The following PPP1R14C variants were observed in gnomAD, a reference collection of about 807,000 sequenced individuals.
PPP1R14C encodes protein phosphatase 1 regulatory subunit 14C.
PPP1R14C carries 16 observed loss-of-function variants against 20.4 expected under a neutral mutation model. The ratio of observed to expected loss-of-function variants is 0.78; its 90% CI spans 0.53 to 1.19. The LOEUF (loss-of-function observed/expected upper bound fraction) is 1.19, where lower values mean the gene tolerates loss of function less well. PPP1R14C is among the 50% of genes most tolerant of loss of function. The pLI, the probability that PPP1R14C is intolerant of heterozygous loss-of-function variation, is 0.00. For synonymous variants in PPP1R14C, 91 were observed against 91.0 expected (o/e 1.00, Z 0.00); for missense variants, 211 against 220.1 (o/e 0.96, Z 0.26).
At chr6:150,225,689 G>A (rs1778222762) in intron 3 of PPP1R14C, among the ~76,000 whole-genome samples, 2 of 152,176 alleles carry the variant, frequency 1.3e-5, no homozygotes, top group South Asian at 4.1e-4. Context: ...CTAATAGATT[G>A]ACACCATTGT....
At chr6:150,151,095 C>T (rs529424978) in intron 1 of PPP1R14C, among the ~76,000 whole-genome samples, 1 of 152,034 alleles carries the variant, frequency 6.6e-6, no homozygotes, top group African/African-American at 2.4e-5. Context: ...TGATAAGACC[C>T]TTCCTGTGGC....
chr6:150,154,881 C>G (rs545810362), intron 1 of PPP1R14C, among the ~76,000 whole-genome samples: 2 of 152,328 alleles, frequency 1.3e-5, no homozygotes, highest in South Asian at 4.1e-4. Context: ...CAGACACTCA[C>G]AGCCACCATA....
chr6:150,161,621 G>A (rs1045805544), intron 1 of PPP1R14C, among the ~76,000 whole-genome samples: 4 of 151,992 alleles, frequency 2.6e-5, no homozygotes, highest in South Asian at 2.1e-4. Flanking sequence ...TTGTTCAGTT[G>A]TAGTATATAT....
chr6:150,218,932 A>C (rs1778133129), intron 3 of PPP1R14C, among the ~76,000 whole-genome samples: 1 of 151,832 alleles, frequency 6.6e-6, no homozygotes, highest in Admixed American at 6.6e-5. Context: ...AATTACAGGC[A>C]TGAGCCACTA....
intron 3 of PPP1R14C, among the ~76,000 whole-genome samples, chr6:150,247,604 G>GTAAGTTTTATTT (rs1778507831): frequency 6.6e-6 from 1 of 152,196 alleles, no homozygotes; most frequent in Non-Finnish European, 1.5e-5. Flanking sequence ...TAAGTATCCT[G>GTAAGTTTTATTT]TAAGTTTTAA....
chr6:150,220,381 A>T (rs566207541), intron 3 of PPP1R14C, among the ~76,000 whole-genome samples: 131 of 152,308 alleles, frequency 8.6e-4, no homozygotes, highest in South Asian at 1.5e-3. Flanking sequence ...AGAAGGCAGG[A>T]GACTTTACCA....
chr6:150,232,724 T>TA (rs1778308790), intron 3 of PPP1R14C, among the ~76,000 whole-genome samples: 1 of 152,268 alleles, frequency 6.6e-6, no homozygotes, highest in Non-Finnish European at 1.5e-5. Context: ...AGTTTCCTTA[T>TA]AAGTAGGGAC....
At chr6:150,214,941 C>T (rs1778072151) in intron 2 of PPP1R14C, 114 bp downstream of exon 2, 12 of 717,100 alleles carry the variant, frequency 1.7e-5, no homozygotes, top group Non-Finnish European at 2.6e-5. Flanking sequence ...GGCACCAGGA[C>T]CTGGGCCATT....
At chr6:150,148,227 G>T (rs1777200862) in intron 1 of PPP1R14C, among the ~76,000 whole-genome samples, 1 of 152,194 alleles carries the variant, frequency 6.6e-6, no homozygotes, top group African/African-American at 2.4e-5. Flanking sequence ...ACTAGGCAAG[G>T]TTCATGTAAT....
intron 3 of PPP1R14C, among the ~76,000 whole-genome samples, chr6:150,237,730 CTG>C (rs1202169459): frequency 1.8e-4 from 28 of 152,122 alleles, no homozygotes; most frequent in Non-Finnish European, 2.2e-4. Flanking sequence ...GTGAGGAAAA[CTG>C]AGGCATGGAG....
At chr6:150,178,173 T>C (rs913990728) in intron 1 of PPP1R14C, among the ~76,000 whole-genome samples, 1 of 152,188 alleles carries the variant, frequency 6.6e-6, no homozygotes, top group African/African-American at 2.4e-5. Context: ...CTGTATCTTG[T>C]CGTCAGTTGC....
rs1197077147 is a variant in PPP1R14C at position 150,201,430 on chromosome 6, A to G, written c.307-13314A>G. ...AACAAGAAGAGTGTCCTACACATGCACCCAGCACGTGCAAAGGCCCTGTGG... is the reference window on the plus strand; with the variant it reads ...AACAAGAAGAGTGTCCTACACATGCGCCCAGCACGTGCAAAGGCCCTGTGG... On this transcript the variant is annotated intron_variant, in intron 1 of 3. Coordinates refer to ENST00000361131, the MANE Select transcript of PPP1R14C (RefSeq NM_030949.3). This position sits in a 1 kb window ranked among gnomAD's most constrained non-coding sequence, Gnocchi z 4.2. Among the ~76,000 whole-genome samples the G allele has an allele frequency of 1.3e-5, 2 of 152,162 alleles. No homozygotes were observed. The highest frequency in any genetic ancestry group is 2.9e-5 in the Non-Finnish European group (2 of 68,034).
At chr6:150,195,624 A>G (rs147100460) in intron 1 of PPP1R14C, among the ~76,000 whole-genome samples, 2,248 of 152,296 alleles carry the variant, frequency 0.015, 50 homozygotes, top group African/African-American at 0.046. Flanking sequence ...ACAGGCATGA[A>G]CCACCATGCT....
At chr6:150,222,701 C>T (rs181104766) in intron 3 of PPP1R14C, among the ~76,000 whole-genome samples, 2 of 150,400 alleles carry the variant, frequency 1.3e-5, no homozygotes, top group African/African-American at 2.5e-5. Flanking sequence ...TGGAATTAAC[C>T]GTATATAGCC....
At position 150,249,252 on chromosome 6, in the gene PPP1R14C, A is replaced by G; in HGVS notation, c.*432A>G. ...GCTGTCAAATTTCTCACACTTGTAT[A>G]TATCTACACACAACTAAGTTAAAAT... is the stretch of plus-strand genomic sequence containing the variant. On this transcript the variant is annotated 3_prime_UTR_variant, in exon 4 of 4. Coordinates refer to ENST00000361131, the MANE Select transcript of PPP1R14C (RefSeq NM_030949.3). 2.5e-6 allele frequency: 1 copy of G among 399,584 alleles called. No individual in the cohort carries two copies. The highest frequency in any genetic ancestry group is 4.4e-6 in the Non-Finnish European group (1 of 226,650). 24.8% of individuals were successfully genotyped at this position (399,584 alleles called of 1,614,324 possible).
At chr6:150,167,965 TCTTTCTCTCC>T (rs1777444082) in intron 1 of PPP1R14C, among the ~76,000 whole-genome samples, 2 of 4,042 alleles carry the variant, frequency 4.9e-4, no homozygotes, top group Non-Finnish European at 5.9e-4. Flanking sequence ...TCTCCTCCCC[TCTTTCTCTCC>T]TTCTCTCCTC....
At position 150,214,730 on chromosome 6, in the gene PPP1R14C, C is replaced by T. The variant is rs117656601; in HGVS notation, c.307-14C>T. ...CTAAATTAAATGCCTTCATATCCTC[C>T]CACTGCCCCCCAGGAAGAAGAAATG... On this transcript the variant is annotated splice_polypyrimidine_tract_variant and intron_variant, in intron 1 of 3. Transcript: ENST00000361131. The T allele has an allele frequency of 0.012, 19,936 of 1,606,944 alleles. 143 individuals are homozygous for T. Among genetic ancestry groups the T allele is most frequent in the Non-Finnish European group, 0.014 (16,800 of 1,174,106 alleles).
At chr6:150,196,636 G>C (rs911504489) in intron 1 of PPP1R14C, among the ~76,000 whole-genome samples, 15 of 152,100 alleles carry the variant, frequency 9.9e-5, no homozygotes, top group African/African-American at 3.6e-4. Flanking sequence ...ATTAGTATTT[G>C]CCACCGTTTT....
chr6:150,148,413 C>A (rs1436952988), intron 1 of PPP1R14C, among the ~76,000 whole-genome samples: 2 of 152,212 alleles, frequency 1.3e-5, no homozygotes, highest in African/African-American at 2.4e-5. Flanking sequence ...GAGCCTGGCA[C>A]CTATGTGAAC....
Sources: gnomAD v4.1 joint callset for allele counts (sites outside exome capture counted in the v4.1 genomes callset) on GRCh38, gnomAD v4.1.1 for gene constraint, Gnocchi (gnomAD v3.1) non-coding constraint, MANE v1.5 for transcripts, NCBI Gene and HGNC (gene_info 2026-07-23, HGNC 2026-07-21) for gene names.